TBC1D1: variants seen among roughly 807,000 people sequenced by gnomAD.
The protein encoded by TBC1D1 is TBC1 domain family member 1.
In TBC1D1, 89 loss-of-function variants were observed where a neutral mutation model predicts 125.6. The ratio of observed to expected loss-of-function variants is 0.71; its 90% confidence interval spans 0.60 to 0.85. TBC1D1 has a LOEUF of 0.85. Among genes scored for constraint, TBC1D1 ranks in the 40% least tolerant of loss-of-function variants. The pLI is 0.00. For synonymous variants in TBC1D1, 565 were observed against 564.1 expected, an observed-to-expected ratio of 1.00 and a Z score of -0.02; for missense variants, 1,377 against 1,469.2, an observed-to-expected ratio of 0.94 and a Z score of 1.03.
chr4:37,974,417 T>C (rs894424302), intron 2 of TBC1D1, among the ~76,000 whole-genome samples: 2 of 152,096 alleles, frequency 1.3e-5, no homozygotes, highest in African/African-American at 4.8e-5. Flanking sequence ...ATTTTTCCTT[T>C]ATGTAGACAT....
At chr4:38,049,927 A>G in intron 11 of TBC1D1, 29 bp downstream of exon 11, 1 of 1,592,136 alleles carries the variant, frequency 6.3e-7, no homozygotes, top group Non-Finnish European at 8.6e-7. Flanking sequence ...TGTTGCATAA[A>G]TAGCTGGGGC....
intron 15 of TBC1D1, chr4:38,110,552 T>C (rs1037470144): frequency 6.1e-5 from 60 of 985,322 alleles, no homozygotes; most frequent in Middle Eastern, 5.2e-4. Context: ...TGGATCATCT[T>C]GTAGGCCTTT....
At chr4:38,092,638 G>A (rs1758610365) in intron 13 of TBC1D1, among the ~76,000 whole-genome samples, 1 of 151,714 alleles carries the variant, frequency 6.6e-6, no homozygotes, top group Admixed American at 6.6e-5. Context: ...GGAAGAGTGA[G>A]GCAGGAGAAT....
intron 17 of TBC1D1, among the ~76,000 whole-genome samples, chr4:38,122,742 A>T (rs1211702400): frequency 6.6e-6 from 1 of 152,232 alleles, no homozygotes; most frequent in Non-Finnish European, 1.5e-5. Flanking sequence ...AAAGTAGAAG[A>T]CACCTCTCAG....
At position 38,093,525 on chromosome 4, in the gene TBC1D1, C is replaced by A. The variant is rs1310207767; in HGVS notation, c.2237-2404C>A. 2.7e-5 allele frequency among the ~76,000 whole-genome samples: 4 copies of A among 149,902 alleles called. No individual in the cohort carries two copies. In the South Asian group the frequency reaches 6.4e-4, roughly 24 times the overall value. On this transcript the variant is annotated intron_variant, in intron 13 of 19. Transcript: ENST00000261439. ...CTCCTCTGCAAGGCCGTTTTCCCCC[C>A]CCTTTTTTTTTTTTTTGAGACAGAG... is the stretch of plus-strand genomic sequence containing the variant.
intron 18 of TBC1D1, among the ~76,000 whole-genome samples, chr4:38,130,874 C>G (rs17579890): frequency 0.056 from 8,483 of 152,352 alleles, 401 homozygotes; most frequent in East Asian, 0.21. Context: ...TGCTCTTTCT[C>G]TGGCTGAGAA....
rs1311911133 is a variant in TBC1D1 at position 37,977,905 on chromosome 4, CG to C, written c.418-36603del. 6.6e-6 allele frequency among the ~76,000 whole-genome samples: 1 copy of C among 152,090 alleles called. No individual in the cohort carries two copies. Among genetic ancestry groups the C allele is most frequent in the African/African-American group, 2.4e-5 (1 of 41,420 alleles). On this transcript the variant is annotated intron_variant, in intron 2 of 19. Transcript: ENST00000261439. This position sits in a 1 kb window ranked among gnomAD's most constrained non-coding sequence, Gnocchi z 4.3. ...GGAAGTCGACCCCGCGTGTCTCCCTCGCGGGTGTCGCCCTCGTGTGTCTCCC... is the reference window on the plus strand; with the variant it reads ...GGAAGTCGACCCCGCGTGTCTCCCTCCGGGTGTCGCCCTCGTGTGTCTCCC...
intron 2 of TBC1D1, among the ~76,000 whole-genome samples, chr4:37,932,849 G>A (rs994254228): frequency 1.3e-5 from 2 of 152,154 alleles, no homozygotes; most frequent in Non-Finnish European, 2.9e-5. Flanking sequence ...TTGAGGTCAG[G>A]AGTTGGAGAC....
chr4:38,011,478 C>T (rs1741492378), intron 2 of TBC1D1, among the ~76,000 whole-genome samples: 1 of 152,082 alleles, frequency 6.6e-6, no homozygotes, highest in South Asian at 2.1e-4. Flanking sequence ...GTATACTTGA[C>T]TAACTTAAAG....
In TBC1D1 at chr4:38,014,907, C is replaced by A. The variant is rs774514436; in HGVS notation, c.816C>A (p.His272Gln). 1.3e-6 allele frequency: 2 copies of A among 1,597,784 alleles called. No homozygotes were observed. The highest frequency in any genetic ancestry group is 1.7e-6 in the Non-Finnish European group (2 of 1,168,710). The change falls in exon 3 of 20, where the codon CAC (histidine) becomes CAA (glutamine). Residue 272 changes from histidine to glutamine, a missense_variant. Physicochemically the swap from His to Gln is conservative, Grantham distance 24. Transcript: ENST00000261439. The surrounding 1 kb of genome is among the most constrained non-coding windows in gnomAD (Gnocchi z 5.1). The stretch of plus-strand genomic sequence containing the variant: ...TCGAGGAGAGCGACATTGAGAACCA[C>A]CTCATTAGCGGACACAATATTGTGC...
intron 18 of TBC1D1, 24 bp from the exon 21 acceptor site, chr4:38,133,060 T>G: frequency 6.3e-7 from 1 of 1,599,666 alleles, no homozygotes; most frequent in Non-Finnish European, 8.5e-7. Context: ...TTTTAGTACG[T>G]GATGACTTTT....
At chr4:38,006,839 C>T (rs780263652) in intron 2 of TBC1D1, 29 of 514,708 alleles carry the variant, frequency 5.6e-5, no homozygotes, top group East Asian at 1.7e-4. Flanking sequence ...CCCCTTTCCA[C>T]GAAGCTTCTT....
Position 38,137,221 on chromosome 4 carries a change from C to T in TBC1D1, c.3393C>T (p.Thr1131=), listed in dbSNP as rs1403290269. ...GCAAGCTGAAGCAGGCCATGCTTAC[C>T]TTAGAACTGGAGCGGTCGGCCCTGC... Residue 1131 remains threonine (T), a synonymous_variant, in exon 20 of 20, where the codon ACC becomes ACT. Coordinates refer to ENST00000261439, the MANE Select transcript of TBC1D1 (RefSeq NM_015173.4). 3.1e-6 allele frequency: 5 copies of T among 1,612,718 alleles called. No homozygotes were observed. The highest frequency in any genetic ancestry group is 4.2e-6 in the Non-Finnish European group (5 of 1,180,028).
chr4:38,062,376 A>ATG (rs1028852150), intron 12 of TBC1D1, among the ~76,000 whole-genome samples: 1 of 151,220 alleles, frequency 6.6e-6, no homozygotes, highest in Non-Finnish European at 1.5e-5. Context: ...TGAAATCTAG[A>ATG]TGTTTTTCTT....
At chr4:37,936,100 G>C (rs909667571) in intron 2 of TBC1D1, among the ~76,000 whole-genome samples, 3 of 152,130 alleles carry the variant, frequency 2.0e-5, no homozygotes, top group Non-Finnish European at 2.9e-5. Flanking sequence ...TCACCGCTTA[G>C]ACGTGCAGTG....
intron 9 of TBC1D1, among the ~76,000 whole-genome samples, chr4:38,045,356 C>T (rs1749206220): frequency 6.6e-6 from 1 of 152,062 alleles, no homozygotes; most frequent in African/African-American, 2.4e-5. Flanking sequence ...GAAGATGTTT[C>T]TGAGAATTTT....
At chr4:37,930,152 A>G (rs1051313205) in intron 2 of TBC1D1, among the ~76,000 whole-genome samples, 25 of 152,364 alleles carry the variant, frequency 1.6e-4, no homozygotes, top group Middle Eastern at 3.4e-3. Flanking sequence ...GTTAAATACA[A>G]TGTAATACTA....
At position 38,137,129 on chromosome 4, in the gene TBC1D1, C is replaced by T. The variant is rs751510933; in HGVS notation, c.3307-6C>T. ...TTGTATTCTCATTTCTTCTTTTATT[C>T]TCCAGGTGGCAAATGGTAGGATCCA... is the stretch of plus-strand genomic sequence containing the variant. On this transcript the variant is annotated splice_polypyrimidine_tract_variant and splice_region_variant and intron_variant, in intron 19 of 19. Transcript: ENST00000261439. 4.3e-6 allele frequency: 7 copies of T among 1,613,032 alleles called. No homozygotes were observed. In the African/African-American group the frequency reaches 8.0e-5, roughly 18 times the overall value.
chr4:38,097,746 G>A (rs1368759311), intron 14 of TBC1D1, among the ~76,000 whole-genome samples: 1 of 152,156 alleles, frequency 6.6e-6, no homozygotes, highest in African/African-American at 2.4e-5. Context: ...CCAAAGTGCT[G>A]GGATTACAGA....
Sources: gnomAD v4.1 joint callset for allele counts (sites outside exome capture counted in the v4.1 genomes callset) on GRCh38, gnomAD v4.1.1 for gene constraint, Gnocchi (gnomAD v3.1) non-coding constraint, MANE v1.5 for transcripts, NCBI Gene and HGNC (gene_info 2026-07-23, HGNC 2026-07-21) for gene names.